The following WDR43 variants were observed in gnomAD, a reference collection of about 807,000 sequenced individuals.
The protein encoded by WDR43 is WD repeat-containing protein 43.
A neutral mutation model predicts 91.4 loss-of-function variants in WDR43; 13 were observed. That is an observed-to-expected ratio of 0.14 (90% CI 0.09 to 0.23). The LOEUF (loss-of-function observed/expected upper bound fraction) is 0.23, where lower values mean the gene tolerates loss of function less well. Among genes scored for constraint, WDR43 ranks in the 10% least tolerant of loss-of-function variants. The pLI is 1.00. For missense variants in WDR43, 780 were observed against 809.4 expected (o/e 0.96, Z 0.44); for synonymous variants, 331 against 287.9 (o/e 1.15, Z -1.51).
chr2:28,927,202 A>G (rs1403354365), intron 9 of WDR43: 4 of 516,368 alleles, frequency 7.7e-6, no homozygotes, highest in African/African-American at 5.8e-5. Context: ...CACTTTTTAA[A>G]TTTTTAAAAA....
intron 1 of WDR43, among the ~76,000 whole-genome samples, chr2:28,896,521 A>C (rs762195559): frequency 9.2e-5 from 14 of 152,218 alleles, no homozygotes; most frequent in Non-Finnish European, 1.6e-4. Flanking sequence ...AAAGAAACAG[A>C]AACTCTGGGA....
At chr2:28,915,222 A>AC (rs1484337403) in intron 5 of WDR43, among the ~76,000 whole-genome samples, 7 of 152,192 alleles carry the variant, frequency 4.6e-5, no homozygotes, top group Admixed American at 2.6e-4. Context: ...TTACCTTCAA[A>AC]ACCACCAGCA....
In WDR43 at chr2:28,929,679, G is replaced by T; in HGVS notation, c.1406G>T (p.Gly469Val). 6.2e-7 allele frequency: 1 copy of T among 1,613,292 alleles called. No individual in the cohort carries two copies. Among genetic ancestry groups the T allele is most frequent in the Non-Finnish European group, 8.5e-7 (1 of 1,179,680 alleles). The change falls in exon 11 of 18, where the codon GGC becomes GTC. Residue 469 changes from glycine to valine, a missense_variant. Physicochemically the swap from Gly to Val is moderately radical, Grantham distance 109. Transcript: ENST00000407426. Reference sequence around the variant, plus strand: ...AGCTTTCCAGTTCTTCTTACCCAGGGCTTAGAAAGTAACGATTTTGAAATG... The same window carrying T: ...AGCTTTCCAGTTCTTCTTACCCAGGTCTTAGAAAGTAACGATTTTGAAATG... ...TNSFPVLLTQ[G>V]LESNDFEMLN...
intron 3 of WDR43, among the ~76,000 whole-genome samples, chr2:28,909,572 C>T (rs1670750243): frequency 6.6e-6 from 1 of 152,116 alleles, no homozygotes; most frequent in Non-Finnish European, 1.5e-5. Flanking sequence ...GGAAACAAAG[C>T]ATTAAAAAGC....
At chr2:28,939,999 C>G (rs543467387) in intron 14 of WDR43, among the ~76,000 whole-genome samples, 1 of 149,170 alleles carries the variant, frequency 6.7e-6, no homozygotes, top group East Asian at 2.1e-4. Context: ...CCCAGCTACT[C>G]GGGAGGCTGA....
intron 3 of WDR43, among the ~76,000 whole-genome samples, chr2:28,910,241 G>A (rs1431708713): frequency 6.6e-6 from 1 of 152,202 alleles, no homozygotes; most frequent in South Asian, 2.1e-4. Context: ...TCAATACTGA[G>A]TGGGGAAGTA....
In WDR43 at chr2:28,927,565, A is replaced by G. The variant is rs577178910; in HGVS notation, c.1174-4A>G. The G allele has an allele frequency of 3.7e-6, 6 of 1,613,490 alleles. No homozygotes were observed. The Admixed American group carries it at 8.3e-5, about 22-fold the overall frequency. On this transcript the variant is annotated splice_region_variant and splice_polypyrimidine_tract_variant and intron_variant, in intron 9 of 17. Coordinates refer to ENST00000407426, the MANE Select transcript of WDR43 (RefSeq NM_015131.3). ...TTCACACTTTGGCTATTCCTGTTGA[A>G]CAGGTGAGGACACCAGTGATGAATT...
chr2:28,910,461 G>C (rs1670770358), intron 3 of WDR43, among the ~76,000 whole-genome samples: 1 of 152,018 alleles, frequency 6.6e-6, no homozygotes, highest in African/African-American at 2.4e-5. Context: ...TTATCAGTGA[G>C]GTTGAATTTC....
At chr2:28,913,250 A>G (rs1288615603) in intron 4 of WDR43, among the ~76,000 whole-genome samples, 14 of 152,174 alleles carry the variant, frequency 9.2e-5, no homozygotes, top group Admixed American at 9.2e-4. Flanking sequence ...CACCGCGCCC[A>G]GCCGAAACAA....
At chr2:28,911,063 G>A (rs1391848395) in intron 3 of WDR43, among the ~76,000 whole-genome samples, 1 of 138,484 alleles carries the variant, frequency 7.2e-6, no homozygotes, top group South Asian at 2.3e-4. Context: ...AATTAAATCA[G>A]GTCTTTTTTT....
chr2:28,922,454 A>G (rs1671048335), intron 6 of WDR43, among the ~76,000 whole-genome samples: 1 of 152,180 alleles, frequency 6.6e-6, no homozygotes, highest in East Asian at 1.9e-4. Flanking sequence ...GGAGAGAGGC[A>G]GCGAGGGCTT....
At chr2:28,942,264 G>A (rs1272457415) in intron 15 of WDR43, 48 bp from the exon 16 acceptor site, 53 of 1,580,922 alleles carry the variant, frequency 3.4e-5, no homozygotes, top group Admixed American at 5.2e-5. Flanking sequence ...CGTGATACTT[G>A]GGATATGTTT....
Position 28,913,045 on chromosome 2 carries a change from C to G in WDR43, c.606+335C>G, listed in dbSNP as rs891097330. ...TCGGCTCACTGCAAGCTCCGCCTCC[C>G]AGGTTCACCGCCATTCTCCTGCCTC... On this transcript the variant is annotated intron_variant, in intron 4 of 17. Coordinates refer to ENST00000407426, the MANE Select transcript of WDR43 (RefSeq NM_015131.3). Among the ~76,000 whole-genome samples the G allele has an allele frequency of 7.3e-5, 11 of 149,742 alleles. No homozygotes were observed. In the Admixed American group the frequency reaches 7.4e-4, roughly 10 times the overall value.
At chr2:28,912,127 A>G (rs1670813311) in intron 3 of WDR43, among the ~76,000 whole-genome samples, 1 of 152,186 alleles carries the variant, frequency 6.6e-6, no homozygotes, top group South Asian at 2.1e-4. Context: ...TTGGGTTGCA[A>G]CTTTAGAGAA....
At position 28,896,900 on chromosome 2, in the gene WDR43, C is replaced by T. The variant is rs79919096; in HGVS notation, c.225+1977C>T. 6.3e-4 allele frequency among the ~76,000 whole-genome samples: 96 copies of T among 152,260 alleles called. 1 individual carries two copies. The highest frequency in any genetic ancestry group is 2.0e-3 in the African/African-American group (83 of 41,532). ...AAAATTTTTTTCTAGGTTTCAGCAT[C>T]GTTTTATCTGCACTGTCTCCTTTTA... On this transcript the variant is annotated intron_variant, in intron 1 of 17. Coordinates refer to ENST00000407426, the MANE Select transcript of WDR43 (RefSeq NM_015131.3).
intron 3 of WDR43, 21 bp downstream of exon 3, chr2:28,906,602 C>G (rs748015874): frequency 6.2e-7 from 1 of 1,606,362 alleles, no homozygotes; most frequent in African/African-American, 1.3e-5. Context: ...TTCATGGTAT[C>G]AGGAAATGCA....
chr2:28,931,098 T>TA (rs1367045511), intron 11 of WDR43, among the ~76,000 whole-genome samples: 1 of 148,098 alleles, frequency 6.8e-6, no homozygotes, highest in Non-Finnish European at 1.5e-5. Flanking sequence ...TTTTTGGAGA[T>TA]AGAGTCTTGC....
chr2:28,936,804 T>C (rs1671345146), intron 12 of WDR43, 118 bp from the exon 13 acceptor site: 4 of 955,888 alleles, frequency 4.2e-6, no homozygotes, highest in African/African-American at 1.7e-5. Flanking sequence ...TATTATGCGG[T>C]TTAAAATAGA....
At position 28,906,546 on chromosome 2, in the gene WDR43, T is replaced by C. The variant is rs1199070430; in HGVS notation, c.450T>C (p.Ile150=). ...ATAGTTGTTCAGATGATAAACATAT[T>C]GTGGAATGGAACGTACAGACATGCA... ...CLYSCSDDKH[I]VEWNVQTCKV... Residue 150 remains isoleucine, a synonymous_variant, in exon 3 of 18, where the codon ATT becomes ATC. Coordinates refer to ENST00000407426, the MANE Select transcript of WDR43 (RefSeq NM_015131.3). 4 of 1,611,324 alleles carry C rather than the reference T, an allele frequency of 2.5e-6. No individual in the cohort carries two copies. Among genetic ancestry groups the C allele is most frequent in the Admixed American group, 1.7e-5 (1 of 59,658 alleles).
Sources: gnomAD v4.1 joint callset for allele counts (sites outside exome capture counted in the v4.1 genomes callset) on GRCh38, gnomAD v4.1.1 for gene constraint, MANE v1.5 for transcripts, NCBI Gene and HGNC (gene_info 2026-07-23, HGNC 2026-07-21) for gene names.